The following TENM3 variants were observed in gnomAD, a reference collection of about 807,000 sequenced individuals.
TENM3 encodes teneurin-3.
TENM3 carries 63 observed loss-of-function variants against 255.1 expected under a neutral mutation model. The observed-to-expected ratio is 0.25, with a 90% CI of 0.20 to 0.30. The LOEUF is 0.30. Ranked by LOEUF, TENM3 falls within the 10% of genes least tolerant of loss-of-function variation. The pLI is 1.00. For missense variants in TENM3, 2,929 were observed against 3,461.1 expected (o/e 0.85, Z 3.86); for synonymous variants, 1,306 against 1,322.3 (o/e 0.99, Z 0.27).
chr4:182,621,653 AATATATAATATG>A (rs1750181512), intron 4 of TENM3, among the ~76,000 whole-genome samples: 1 of 43,994 alleles, frequency 2.3e-5, no homozygotes. Flanking sequence ...TACATATTAT[AATATATAATATG>A]TATTATATAT....
chr4:182,194,915 G>A (rs535184089), intron 1 of TENM3, among the ~76,000 whole-genome samples: 41 of 152,006 alleles, frequency 2.7e-4, no homozygotes, highest in South Asian at 4.2e-4. Flanking sequence ...AGTTTTTGTC[G>A]TGATAGAATT....
chr4:182,092,148 T>C, the TENM3 span, among the ~76,000 whole-genome samples: 1 of 152,168 alleles, frequency 6.6e-6, no homozygotes, highest in East Asian at 1.9e-4. Context: ...AAAACCAGCC[T>C]GGCCAACATG....
At chr4:182,765,245 A>G (rs930793406) in intron 22 of TENM3, among the ~76,000 whole-genome samples, 6 of 152,328 alleles carry the variant, frequency 3.9e-5, no homozygotes, top group African/African-American at 1.2e-4. Context: ...GAAAGGGAAC[A>G]TAGAAGATCT....
the TENM3 span, among the ~76,000 whole-genome samples, chr4:181,534,099 C>T: frequency 6.6e-6 from 1 of 152,010 alleles, no homozygotes; most frequent in Non-Finnish European, 1.5e-5. Context: ...TATAAAAGAA[C>T]TGCATTCAAG....
intron 24 of TENM3, among the ~76,000 whole-genome samples, chr4:182,784,566 C>CTG (rs912513518): frequency 2.6e-5 from 4 of 152,114 alleles, no homozygotes; most frequent in Admixed American, 2.0e-4. Context: ...CCTCCTTGAG[C>CTG]TGTGGTGGGC....
chr4:182,072,547 G>A, the TENM3 span, among the ~76,000 whole-genome samples: 1 of 152,246 alleles, frequency 6.6e-6, no homozygotes, highest in South Asian at 2.1e-4. Context: ...TGATAATAAA[G>A]TATTTGAAAC....
chr4:181,952,023 G>T, the TENM3 span, among the ~76,000 whole-genome samples: 1 of 152,118 alleles, frequency 6.6e-6, no homozygotes, highest in Non-Finnish European at 1.5e-5. Flanking sequence ...ATATTGTATG[G>T]TATTATAGTC....
the TENM3 span, among the ~76,000 whole-genome samples, chr4:181,978,445 G>A: frequency 1.4e-4 from 21 of 152,140 alleles, no homozygotes; most frequent in African/African-American, 4.8e-4. Flanking sequence ...TCAGGAGTTC[G>A]AGACCAGCCT....
the TENM3 span, among the ~76,000 whole-genome samples, chr4:182,062,515 T>C: frequency 4.4e-4 from 67 of 152,358 alleles, no homozygotes; most frequent in African/African-American, 1.6e-3. Context: ...TACTTTTATA[T>C]GTAAAGTTAT....
At chr4:182,731,277 G>A (rs532676559) in intron 16 of TENM3, 138 bp downstream of exon 16, 2 of 803,370 alleles carry the variant, frequency 2.5e-6, no homozygotes, top group Non-Finnish European at 3.9e-6. Context: ...AGGCCGAGGT[G>A]GGCAGATCAT....
intron 1 of TENM3, among the ~76,000 whole-genome samples, chr4:182,180,464 T>G (rs1419997550): frequency 2.6e-5 from 4 of 152,184 alleles, no homozygotes; most frequent in Non-Finnish European, 4.4e-5. Context: ...CCCATCTACC[T>G]TCATAGCATC....
At chr4:181,763,071 G>A in the TENM3 span, among the ~76,000 whole-genome samples, 4 of 152,186 alleles carry the variant, frequency 2.6e-5, no homozygotes, top group Admixed American at 6.5e-5. Flanking sequence ...AGTGGATGAT[G>A]ATTGATGACT....
the TENM3 span, chr4:181,975,023 G>A: frequency 6.6e-6 from 1 of 151,930 alleles, no homozygotes; most frequent in Admixed American, 6.6e-5. Flanking sequence ...GTAAGAACAT[G>A]TGATATTTGA....
chr4:181,935,629 G>A, the TENM3 span, among the ~76,000 whole-genome samples: 42 of 152,034 alleles, frequency 2.8e-4, no homozygotes, highest in African/African-American at 9.7e-4. Context: ...CTCTCTATTG[G>A]ATACAAGCCC....
the TENM3 span, among the ~76,000 whole-genome samples, chr4:181,917,403 T>C: frequency 6.6e-6 from 1 of 152,194 alleles, no homozygotes; most frequent in Admixed American, 6.5e-5. Flanking sequence ...TTGTTTTACT[T>C]CTAATGAAAC....
intron 6 of TENM3, among the ~76,000 whole-genome samples, chr4:182,661,464 A>G (rs1162577639): frequency 6.6e-6 from 1 of 152,202 alleles, no homozygotes; most frequent in Non-Finnish European, 1.5e-5. Context: ...CAGGGCTGCA[A>G]GAGCACTGAG....
At chr4:181,527,231 TTTAA>T in the TENM3 span, among the ~76,000 whole-genome samples, 1 of 152,214 alleles carries the variant, frequency 6.6e-6, no homozygotes, top group African/African-American at 2.4e-5. Flanking sequence ...GTTTTTAACT[TTTAA>T]TTAGACTATT....
the TENM3 span, among the ~76,000 whole-genome samples, chr4:182,025,444 CT>C: frequency 2.0e-5 from 3 of 152,164 alleles, no homozygotes; most frequent in Non-Finnish European, 4.4e-5. Flanking sequence ...GCTTCCAAAC[CT>C]TGGCTATTGT....
chr4:181,702,807 A>C, the TENM3 span, among the ~76,000 whole-genome samples: 1 of 152,170 alleles, frequency 6.6e-6, no homozygotes, highest in African/African-American at 2.4e-5. Context: ...TATTAGGGTA[A>C]CTTCTGTGAT....
Sources: gnomAD v4.1 joint callset for allele counts (sites outside exome capture counted in the v4.1 genomes callset) on GRCh38, gnomAD v4.1.1 for gene constraint, MANE v1.5 for transcripts, NCBI Gene and HGNC (gene_info 2026-07-23, HGNC 2026-07-21) for gene names.